The following ARHGEF26 variants were observed in gnomAD, a reference collection of about 807,000 sequenced individuals.
ARHGEF26 encodes the protein Rho guanine nucleotide exchange factor 26.
ARHGEF26 carries 59 observed loss-of-function variants against 89.4 expected under a neutral mutation model. The ratio of observed to expected loss-of-function variants is 0.66; its 90% CI spans 0.54 to 0.82. The LOEUF is 0.82. Among genes scored for constraint, ARHGEF26 ranks in the 40% least tolerant of loss-of-function variants. The pLI is 0.00. For missense variants in ARHGEF26, 1,234 were observed against 1,085.6 expected (o/e 1.14, Z -1.92); for synonymous variants, 500 against 428.4 (o/e 1.17, Z -2.06).
At chr3:154,237,391 A>C (rs2108277528) in intron 11 of ARHGEF26, among the ~76,000 whole-genome samples, 1 of 152,120 alleles carries the variant, frequency 6.6e-6, no homozygotes, top group South Asian at 2.1e-4. Context: ...AAAATACAAA[A>C]ATTAACCAGG....
chr3:154,146,142 A>G (rs1212792763), intron 4 of ARHGEF26, among the ~76,000 whole-genome samples: 2 of 152,228 alleles, frequency 1.3e-5, no homozygotes, highest in Admixed American at 6.5e-5. Flanking sequence ...AAAGTCCAAA[A>G]TCAAGGCAGA....
chr3:154,255,566 C>G lies in ARHGEF26; in HGVS notation c.*93C>G. On this transcript the variant is annotated 3_prime_UTR_variant, in exon 15 of 15. Transcript: ENST00000465093. ...AGTTTTATTGTTAATTTTGTCACAGCCTATTTAATTAAAAGAACGAAAACA... is the reference window on the plus strand; with the variant it reads ...AGTTTTATTGTTAATTTTGTCACAGGCTATTTAATTAAAAGAACGAAAACA... 1 of 1,494,322 alleles carries G rather than the reference C, an allele frequency of 6.7e-7. No individual in the cohort carries two copies. Among genetic ancestry groups the G allele is most frequent in the Admixed American group, 2.6e-5 (1 of 38,146 alleles). The allele number at this position is 1,494,322 out of a possible 1,614,324, so 92.6% of individuals were successfully genotyped here. A position where few individuals can be genotyped will look rare whatever the true frequency, so the allele number is the denominator to read the frequency against.
intron 13 of ARHGEF26, among the ~76,000 whole-genome samples, chr3:154,253,468 T>C (rs1043793691): frequency 2.4e-4 from 37 of 152,194 alleles, no homozygotes; most frequent in Non-Finnish European, 7.3e-5. Context: ...ATATACAACA[T>C]GGGGTTATTG....
chr3:154,142,247 A>G (rs1719430981), intron 4 of ARHGEF26, among the ~76,000 whole-genome samples: 1 of 151,318 alleles, frequency 6.6e-6, no homozygotes, highest in South Asian at 2.1e-4. Flanking sequence ...TAAGGTAGAG[A>G]TAGGAAGACA....
At chr3:154,227,615 T>C (rs1055285738) in intron 11 of ARHGEF26, among the ~76,000 whole-genome samples, 1 of 152,204 alleles carries the variant, frequency 6.6e-6, no homozygotes, top group African/African-American at 2.4e-5. Flanking sequence ...AGAAGAATTA[T>C]AATTTTTATG....
intron 6 of ARHGEF26, among the ~76,000 whole-genome samples, chr3:154,181,527 T>G (rs1158827774): frequency 6.6e-6 from 1 of 152,196 alleles, no homozygotes; most frequent in Non-Finnish European, 1.5e-5. Flanking sequence ...GCGGCATTGA[T>G]TATAACCAGA....
intron 9 of ARHGEF26, among the ~76,000 whole-genome samples, chr3:154,215,188 ATCT>A (rs1312823635): frequency 2.6e-5 from 4 of 152,014 alleles, no homozygotes; most frequent in South Asian, 2.1e-4. Flanking sequence ...TCATGCCAGG[ATCT>A]TCTTTGACTC....
intron 6 of ARHGEF26, among the ~76,000 whole-genome samples, chr3:154,179,843 G>T (rs942317303): frequency 1.3e-5 from 2 of 152,172 alleles, no homozygotes; most frequent in Non-Finnish European, 2.9e-5. Context: ...GTTTTCTATT[G>T]CTGCTATAAC....
chr3:154,240,356 C>A lies in ARHGEF26; in HGVS notation c.2091-14C>A. The stretch of plus-strand genomic sequence containing the variant: ...GCTGAATAATTGACGTGTTCTTTTC[C>A]CTTTCCTTTACAGTGAAGAAAGTTA... On this transcript the variant is annotated splice_polypyrimidine_tract_variant and intron_variant, in intron 11 of 14. Coordinates refer to ENST00000465093, the MANE Select transcript of ARHGEF26 (RefSeq NM_015595.4). 1 of 1,577,182 alleles carries A rather than the reference C, an allele frequency of 6.3e-7. No individual in the cohort carries two copies. The highest frequency in any genetic ancestry group is 8.7e-7 in the Non-Finnish European group (1 of 1,155,662).
rs750167888 is a variant in ARHGEF26, at chr3:154,122,401, GCGCCGC to G, written c.421_426del (p.Pro141_Pro142del). On this transcript the variant is annotated inframe_deletion, in exon 2 of 15. Transcript: ENST00000465093. Reference sequence around the variant, plus strand: ...AGCAAATGGCGCGGTGACCTTGCCTGCGCCGCCGCCGCCGCCGGTTCTGCGCCCCCC... The same window carrying G: ...AGCAAATGGCGCGGTGACCTTGCCTGCGCCGCCGCCGGTTCTGCGCCCCCC... The G allele has an allele frequency of 2.2e-4, 357 of 1,606,784 alleles. 3 individuals are homozygous for G. The East Asian group carries it at 4.9e-3, about 22-fold the overall frequency.
At chr3:154,179,063 A>T (rs1305386024) in intron 6 of ARHGEF26, among the ~76,000 whole-genome samples, 1 of 152,218 alleles carries the variant, frequency 6.6e-6, no homozygotes, top group Admixed American at 6.5e-5. Flanking sequence ...GTTCTTGCGT[A>T]GATGTTTCAT....
At chr3:154,244,814 A>G (rs914439722) in intron 12 of ARHGEF26, among the ~76,000 whole-genome samples, 1 of 152,136 alleles carries the variant, frequency 6.6e-6, no homozygotes, top group Non-Finnish European at 1.5e-5. Flanking sequence ...AGCTGGAACT[A>G]GAATCTGGCC....
chr3:154,203,094 C>G (rs1017174070), intron 9 of ARHGEF26, among the ~76,000 whole-genome samples: 3 of 152,214 alleles, frequency 2.0e-5, no homozygotes, highest in Admixed American at 6.5e-5. Flanking sequence ...AAAAGGAATG[C>G]TTCCAGTTTT....
intron 3 of ARHGEF26, among the ~76,000 whole-genome samples, chr3:154,127,305 A>G (rs1718389510): frequency 6.6e-6 from 1 of 152,216 alleles, no homozygotes; most frequent in Non-Finnish European, 1.5e-5. Flanking sequence ...ACACAAACAC[A>G]TTGTACAACT....
chr3:154,253,130 G>C lies in ARHGEF26; in HGVS notation c.2315G>C (p.Arg772Pro), dbSNP rs1322946849. The C allele has an allele frequency of 6.2e-7, 1 of 1,614,000 alleles. No individual in the cohort carries two copies. The highest frequency in any genetic ancestry group is 1.1e-5 in the South Asian group (1 of 91,082). The change falls in exon 13 of 15, where the codon CGC becomes CCC. Residue 772 changes from arginine (R) to proline (P), a missense_variant. By Grantham distance (103) the Arg-to-Pro change is moderately radical. Transcript: ENST00000465093. ...CTCTGTTTTAGGAGCGAGCGAGCCC[G>C]CTGGATAACTGCCCTGGGACACAGC... ...LGAETQSERA[R>P]WITALGHSSG...
rs1204701008 is a variant in ARHGEF26, at chr3:154,257,153, G to A, written c.*1680G>A. 8 of 662,230 alleles carry A rather than the reference G, an allele frequency of 1.2e-5. No homozygotes were observed. Among genetic ancestry groups the A allele is most frequent in the Admixed American group, 1.1e-4 (3 of 27,928 alleles). 41.0% of individuals were successfully genotyped at this position (662,230 alleles called of 1,614,324 possible). ...CACACAGCCTGCACCCTGTCACCTCGGCAATGAGCCAGTGTGGGGCACTGG... is the reference window on the plus strand; with the variant it reads ...CACACAGCCTGCACCCTGTCACCTCAGCAATGAGCCAGTGTGGGGCACTGG... On this transcript the variant is annotated 3_prime_UTR_variant, in exon 15 of 15. Transcript: ENST00000465093.
At chr3:154,252,953 C>G (rs1418886635) in intron 12 of ARHGEF26, among the ~76,000 whole-genome samples, 163 bp from the exon 13 acceptor site, 2 of 152,178 alleles carry the variant, frequency 1.3e-5, no homozygotes, top group Non-Finnish European at 2.9e-5. Flanking sequence ...TTATTTTAGA[C>G]TTTCCAGCTT....
intron 10 of ARHGEF26, among the ~76,000 whole-genome samples, chr3:154,221,369 T>C (rs1396246868): frequency 2.6e-5 from 4 of 152,212 alleles, no homozygotes; most frequent in Non-Finnish European, 4.4e-5. Context: ...GGCATTTTTA[T>C]ATGTTGCTGG....
At chr3:154,156,181 C>T (rs1451021960) in intron 6 of ARHGEF26, among the ~76,000 whole-genome samples, 4 of 151,592 alleles carry the variant, frequency 2.6e-5, no homozygotes, top group African/African-American at 9.7e-5. Context: ...AAATATGAGC[C>T]CAGAATAAAA....
Sources: allele counts gnomAD v4.1 joint callset (sites outside exome capture counted in the v4.1 genomes callset), GRCh38; gene constraint gnomAD v4.1.1; transcripts MANE v1.5; gene names NCBI Gene and HGNC (gene_info 2026-07-23, HGNC 2026-07-21).